KCNAB1: variants seen among roughly 807,000 people sequenced by gnomAD.
KCNAB1 encodes potassium voltage-gated channel subfamily A regulatory beta subunit 1.
KCNAB1 carries 35 observed loss-of-function variants against 64.6 expected under a neutral mutation model. That is an observed-to-expected ratio of 0.54 (90% CI 0.41 to 0.72). KCNAB1 has a LOEUF of 0.72. Ranked by LOEUF, KCNAB1 falls within the 30% of genes least tolerant of loss-of-function variation. KCNAB1 has a pLI of 0.00. For synonymous variants in KCNAB1, 177 were observed against 183.8 expected (o/e 0.96, Z 0.30); for missense variants, 401 against 512.9 (o/e 0.78, Z 2.11).
At chr3:156,512,995 G>A (rs377598901) in intron 8 of KCNAB1, among the ~76,000 whole-genome samples, 378 of 152,302 alleles carry the variant, frequency 2.5e-3, no homozygotes, top group Admixed American at 6.3e-3. Flanking sequence ...GGAGGATCAC[G>A]AGGTCAGGAG....
intron 1 of KCNAB1, among the ~76,000 whole-genome samples, chr3:156,260,344 A>C (rs1718359639): frequency 1.3e-5 from 2 of 152,212 alleles, no homozygotes; most frequent in South Asian, 4.1e-4. Flanking sequence ...AAACTTATGG[A>C]ATTGTGAAAC....
chr3:156,146,073 C>T (rs1715020208), intron 1 of KCNAB1, among the ~76,000 whole-genome samples: 1 of 152,064 alleles, frequency 6.6e-6, no homozygotes, highest in Non-Finnish European at 1.5e-5. Context: ...TTGGGTCCCT[C>T]GATCATCTGT....
intron 1 of KCNAB1, among the ~76,000 whole-genome samples, chr3:156,355,312 G>A (rs748817289): frequency 1.8e-4 from 28 of 152,156 alleles, no homozygotes; most frequent in Middle Eastern, 3.2e-3. Flanking sequence ...TGACGTTGAC[G>A]TGAGACCCAC....
chr3:156,333,343 T>TAC lies in KCNAB1; in HGVS notation c.276-88256_276-88255dup, dbSNP rs947503880. ...AAACACACACACACACACACACACA[T>TAC]ACACACACACACACACACGTGTATA... is the stretch of plus-strand genomic sequence containing the variant. On this transcript the variant is annotated intron_variant, in intron 1 of 13. Transcript: ENST00000490337. Among the ~76,000 whole-genome samples the TAC allele has an allele frequency of 1.1e-3, 127 of 119,518 alleles. No individual in the cohort carries two copies. In the South Asian group the frequency reaches 0.012, roughly 11 times the overall value. 78.4% of individuals were successfully genotyped at this position (119,518 alleles called of 152,430 possible).
chr3:156,499,368 C>T (rs1716225145), intron 8 of KCNAB1, among the ~76,000 whole-genome samples: 1 of 152,082 alleles, frequency 6.6e-6, no homozygotes, highest in African/African-American at 2.4e-5. Context: ...TTCTAGGACC[C>T]TCAGTTTTTT....
chr3:156,247,773 C>T (rs1717553264), intron 1 of KCNAB1, among the ~76,000 whole-genome samples: 1 of 152,116 alleles, frequency 6.6e-6, no homozygotes, highest in East Asian at 1.9e-4. Flanking sequence ...CCATGTTGCC[C>T]AGGCTGGCCT....
intron 1 of KCNAB1, among the ~76,000 whole-genome samples, chr3:156,331,712 T>C (rs191942506): frequency 2.4e-4 from 36 of 152,128 alleles, no homozygotes; most frequent in African/African-American, 8.5e-4. Context: ...TATGTCCATG[T>C]TTGGCAGAAT....
At chr3:156,185,973 C>T (rs1713164754) in intron 1 of KCNAB1, among the ~76,000 whole-genome samples, 1 of 152,176 alleles carries the variant, frequency 6.6e-6, no homozygotes, top group Non-Finnish European at 1.5e-5. Flanking sequence ...CACTTCCTTC[C>T]TTTCCTTCCT....
intron 13 of KCNAB1, among the ~76,000 whole-genome samples, chr3:156,535,444 G>A (rs550539645): frequency 1.3e-5 from 2 of 152,118 alleles, no homozygotes; most frequent in African/African-American, 2.4e-5. Flanking sequence ...CCTTGGATGA[G>A]CTCATCCTTT....
chr3:156,196,615 A>G (rs554789158), intron 1 of KCNAB1, among the ~76,000 whole-genome samples: 8 of 152,098 alleles, frequency 5.3e-5, no homozygotes, highest in Non-Finnish European at 7.4e-5. Flanking sequence ...CTGCTTGTCT[A>G]TCATTGGTGT....
At chr3:156,467,418 G>A (rs1157170532) in intron 7 of KCNAB1, among the ~76,000 whole-genome samples, 5 of 152,020 alleles carry the variant, frequency 3.3e-5, no homozygotes, top group African/African-American at 1.2e-4. Flanking sequence ...TTTCATTTAG[G>A]AAATACTAAC....
At chr3:156,354,522 A>G (rs934810546) in intron 1 of KCNAB1, among the ~76,000 whole-genome samples, 2 of 152,072 alleles carry the variant, frequency 1.3e-5, no homozygotes, top group African/African-American at 4.8e-5. Flanking sequence ...CAAATTAAAA[A>G]CATCAATTAC....
At chr3:156,431,385 A>G (rs914758300) in intron 2 of KCNAB1, among the ~76,000 whole-genome samples, 1 of 152,042 alleles carries the variant, frequency 6.6e-6, no homozygotes, top group East Asian at 1.9e-4. Flanking sequence ...CTTATCTAAC[A>G]GTAAGGCAAA....
At chr3:156,536,237 G>C (rs1473195291) in intron 13 of KCNAB1, among the ~76,000 whole-genome samples, 1 of 152,224 alleles carries the variant, frequency 6.6e-6, no homozygotes, top group Non-Finnish European at 1.5e-5. Flanking sequence ...ATGTTCACAA[G>C]ATGTGACTTA....
At chr3:156,157,735 T>C (rs555790295) in intron 1 of KCNAB1, among the ~76,000 whole-genome samples, 29 of 152,138 alleles carry the variant, frequency 1.9e-4, no homozygotes, top group Non-Finnish European at 3.4e-4. Flanking sequence ...GATATTATGC[T>C]TAACAACCAA....
chr3:156,449,575 C>T (rs1414080358), intron 2 of KCNAB1, among the ~76,000 whole-genome samples: 1 of 152,134 alleles, frequency 6.6e-6, no homozygotes, highest in Admixed American at 6.6e-5. Context: ...CTAATCATAG[C>T]CCAACATAGG....
At chr3:156,304,164 G>A (rs1445530964) in intron 1 of KCNAB1, among the ~76,000 whole-genome samples, 3 of 152,164 alleles carry the variant, frequency 2.0e-5, no homozygotes, top group Admixed American at 6.5e-5. Context: ...AAGGATATTA[G>A]CACAGTCTCT....
At chr3:156,425,885 T>C (rs532627445) in intron 2 of KCNAB1, among the ~76,000 whole-genome samples, 252 of 151,978 alleles carry the variant, frequency 1.7e-3, no homozygotes, top group Non-Finnish European at 2.0e-3. Context: ...GGAACAAGGG[T>C]TGCCACTTGG....
chr3:156,341,995 C>T (rs1008609497), intron 1 of KCNAB1, among the ~76,000 whole-genome samples: 7 of 152,144 alleles, frequency 4.6e-5, no homozygotes, highest in African/African-American at 1.7e-4. Context: ...TATCCCCTGC[C>T]CACACCAGAG....
Sources: allele counts gnomAD v4.1 joint callset (sites outside exome capture counted in the v4.1 genomes callset), GRCh38; gene constraint gnomAD v4.1.1; transcripts MANE v1.5; gene names NCBI Gene and HGNC (gene_info 2026-07-23, HGNC 2026-07-21).